The following TMEM272 variants were observed in gnomAD, a reference collection of about 807,000 sequenced individuals.
TMEM272 encodes the protein transmembrane protein 272.
A neutral mutation model predicts 3.7 loss-of-function variants in TMEM272; 8 were observed. The ratio of observed to expected loss-of-function variants is 2.17; its 90% CI spans 1.27 to 3.91. The LOEUF is 3.91. TMEM272 is among the 30% of genes most tolerant of loss of function. The probability of loss-of-function intolerance (pLI) is 0.00; values close to 1 mark genes in which losing one functional copy is unlikely to be tolerated. For missense variants in TMEM272, 166 were observed against 91.5 expected (o/e 1.81, Z -3.32); for synonymous variants, 63 against 39.8 (o/e 1.58, Z -2.20).
At chr13:51,908,351 A>G in the TMEM272 span, 2 of 1,476,002 alleles carry the variant, frequency 1.4e-6, no homozygotes, top group Non-Finnish European at 1.9e-6. Context: ...GAAGGTAAGG[A>G]GGAAAACCCC....
chr13:51,863,202 T>C, the TMEM272 span, among the ~76,000 whole-genome samples: 1 of 152,126 alleles, frequency 6.6e-6, no homozygotes, highest in African/African-American at 2.4e-5. Flanking sequence ...TACTGGGCCT[T>C]AGATTTGGAG....
the TMEM272 span, among the ~76,000 whole-genome samples, chr13:51,877,281 G>A: frequency 1.3e-5 from 2 of 152,180 alleles, no homozygotes; most frequent in Non-Finnish European, 2.9e-5. Flanking sequence ...CTCAATAAAT[G>A]TCTACTTCCT....
chr13:51,916,114 G>A, the TMEM272 span, among the ~76,000 whole-genome samples: 4 of 152,280 alleles, frequency 2.6e-5, no homozygotes, highest in South Asian at 6.2e-4. Context: ...CACTGGGAAC[G>A]TGTATGTGCT....
the TMEM272 span, among the ~76,000 whole-genome samples, chr13:51,924,254 C>A: frequency 2.0e-5 from 3 of 151,902 alleles, no homozygotes; most frequent in African/African-American, 7.3e-5. Context: ...AAACAACAAC[C>A]AAAAAAACAC....
At chr13:51,918,803 C>CTT in the TMEM272 span, among the ~76,000 whole-genome samples, 1,043 of 81,040 alleles carry the variant, frequency 0.013, no homozygotes, top group Non-Finnish European at 0.016. Flanking sequence ...TTTTGAAATT[C>CTT]TTTTTTTTTT....
the TMEM272 span, among the ~76,000 whole-genome samples, chr13:51,864,071 T>TTCCC: frequency 6.6e-6 from 1 of 151,962 alleles, no homozygotes; most frequent in South Asian, 2.1e-4. Context: ...ATCTTTCTCC[T>TTCCC]TCCCTCCCTC....
the TMEM272 span, among the ~76,000 whole-genome samples, chr13:51,931,487 T>C: frequency 2.0e-5 from 3 of 149,786 alleles, no homozygotes; most frequent in African/African-American, 7.4e-5. Flanking sequence ...TGGGGCCTGC[T>C]GAGGGGTGGG....
the TMEM272 span, among the ~76,000 whole-genome samples, chr13:51,900,784 AAATG>A: frequency 6.6e-6 from 1 of 152,258 alleles, no homozygotes; most frequent in Admixed American, 6.5e-5. Context: ...CCAGCAATAA[AAATG>A]AATGATGTAT....
chr13:51,827,342 C>T (rs758143824), intron 2 of TMEM272, among the ~76,000 whole-genome samples: 1 of 152,196 alleles, frequency 6.6e-6, no homozygotes, highest in African/African-American at 2.4e-5. Flanking sequence ...CGTTGACATC[C>T]GGAAGCCGTT....
intron 2 of TMEM272, among the ~76,000 whole-genome samples, chr13:51,828,476 C>G (rs936973760): frequency 6.6e-5 from 10 of 152,142 alleles, no homozygotes; most frequent in African/African-American, 2.4e-4. Context: ...TCCATGCCCA[C>G]CTTGACCTTC....
At position 51,837,551 on chromosome 13, in the gene TMEM272, G is replaced by T. The variant is rs192968665; in HGVS notation, c.58+922C>A. ...GTTAGGAGAATGAGATGGGCACTGG[G>T]CCCATCAGCGAATGGAGAAGGTCAG... On this transcript the variant is annotated intron_variant, in intron 2 of 4. Transcript: ENST00000629372. 1.4e-3 allele frequency among the ~76,000 whole-genome samples: 214 copies of T among 152,302 alleles called. 4 individuals are homozygous for T. Among genetic ancestry groups the T allele is most frequent in the Admixed American group, 0.013 (203 of 15,300 alleles).
At chr13:51,838,888 G>T (rs1393522601) in intron 1 of TMEM272, among the ~76,000 whole-genome samples, 1 of 152,092 alleles carries the variant, frequency 6.6e-6, no homozygotes. Flanking sequence ...TCTTTAAATA[G>T]GTCATCTCAT....
At chr13:51,820,088 C>T (rs1442277475) in intron 4 of TMEM272, among the ~76,000 whole-genome samples, 1 of 152,124 alleles carries the variant, frequency 6.6e-6, no homozygotes, top group Non-Finnish European at 1.5e-5. Context: ...AAGTATCACA[C>T]AATACTTAAC....
chr13:51,862,994 AACAG>A, the TMEM272 span, among the ~76,000 whole-genome samples: 1 of 152,240 alleles, frequency 6.6e-6, no homozygotes. Context: ...ATAGTGGAGT[AACAG>A]ACAGACAGTA....
intron 2 of TMEM272, among the ~76,000 whole-genome samples, chr13:51,832,808 TATAG>T (rs1292435164): frequency 6.6e-6 from 1 of 152,244 alleles, no homozygotes; most frequent in Admixed American, 6.5e-5. Context: ...TGAACTTCTT[TATAG>T]ATATTCAGCT....
the TMEM272 span, among the ~76,000 whole-genome samples, chr13:51,876,924 T>C: frequency 1.3e-5 from 2 of 152,130 alleles, no homozygotes; most frequent in African/African-American, 4.8e-5. Flanking sequence ...ATCTGGAAAC[T>C]AGCAGGAAAA....
At chr13:51,868,238 C>T in the TMEM272 span, among the ~76,000 whole-genome samples, 5 of 152,308 alleles carry the variant, frequency 3.3e-5, no homozygotes, top group East Asian at 3.9e-4. Context: ...GGAAGCTTTC[C>T]GTCCAGTGCG....
the TMEM272 span, among the ~76,000 whole-genome samples, chr13:51,930,136 C>G: frequency 6.6e-6 from 1 of 151,928 alleles, no homozygotes; most frequent in Admixed American, 6.5e-5. Context: ...TTCCCCCCCC[C>G]CACTTTCTAT....
At chr13:51,833,442 A>C (rs1956189472) in intron 2 of TMEM272, among the ~76,000 whole-genome samples, 1 of 152,208 alleles carries the variant, frequency 6.6e-6, no homozygotes, top group African/African-American at 2.4e-5. Flanking sequence ...TGGCTCTCGG[A>C]GTGAAGAGAC....
Sources: gnomAD v4.1 joint callset for allele counts (sites outside exome capture counted in the v4.1 genomes callset) on GRCh38, gnomAD v4.1.1 for gene constraint, MANE v1.5 for transcripts, NCBI Gene and HGNC (gene_info 2026-07-23, HGNC 2026-07-21) for gene names.